The following KIF13B variants were observed in gnomAD, a reference collection of about 807,000 sequenced individuals.
KIF13B encodes kinesin family member 13B.
In KIF13B, 127 loss-of-function variants were observed where a neutral mutation model predicts 222.0. That is an observed-to-expected ratio of 0.57 (90% CI 0.50 to 0.66). The LOEUF is 0.66. Among genes scored for constraint, KIF13B ranks in the 30% least tolerant of loss-of-function variants. The pLI, the probability that KIF13B is intolerant of heterozygous loss-of-function variation, is 0.00. For synonymous variants in KIF13B, 976 were observed against 919.0 expected, an observed-to-expected ratio of 1.06 and a Z score of -1.12; for missense variants, 2,173 against 2,379.0, an observed-to-expected ratio of 0.91 and a Z score of 1.80.
intron 2 of KIF13B, among the ~76,000 whole-genome samples, chr8:29,243,268 A>G (rs1294901787): frequency 2.0e-5 from 3 of 149,826 alleles, no homozygotes; most frequent in African/African-American, 7.4e-5. Context: ...AATTGGTTGA[A>G]CCTGGTGGGG....
At chr8:29,084,666 A>G (rs1374945157) in intron 37 of KIF13B, among the ~76,000 whole-genome samples, 1 of 152,236 alleles carries the variant, frequency 6.6e-6, no homozygotes, top group Non-Finnish European at 1.5e-5. Flanking sequence ...CGCCATTTAC[A>G]GTTCCTAACT....
intron 12 of KIF13B, among the ~76,000 whole-genome samples, chr8:29,163,002 G>C (rs1811847832): frequency 6.6e-6 from 1 of 152,110 alleles, no homozygotes; most frequent in Non-Finnish European, 1.5e-5. Flanking sequence ...ATTTACAAAA[G>C]CAAGTGGCAG....
Position 29,147,277 on chromosome 8 carries a change from T to C in KIF13B, c.2024+115A>G, listed in dbSNP as rs1330873510. 3 of 779,786 alleles carry C rather than the reference T, an allele frequency of 3.8e-6. No homozygotes were observed. In the East Asian group the frequency reaches 8.1e-5, roughly 21 times the overall value. 48.3% of individuals were successfully genotyped at this position (779,786 alleles called of 1,614,324 possible). On this transcript the variant is annotated intron_variant, in intron 17 of 39. Transcript: ENST00000524189. ...TTCTTGGCTGTTAACACTTATCTTTTAACATAATTCTTTTGTAAGCACCAT... is the reference window on the plus strand; with the variant it reads ...TTCTTGGCTGTTAACACTTATCTTTCAACATAATTCTTTTGTAAGCACCAT...
chr8:29,215,083 C>T (rs577181899), intron 2 of KIF13B, among the ~76,000 whole-genome samples: 1 of 152,266 alleles, frequency 6.6e-6, no homozygotes, highest in African/African-American at 2.4e-5. Flanking sequence ...TGGCTCCACG[C>T]TCCCTGCATG....
chr8:29,100,414 G>A (rs1180500560), intron 35 of KIF13B, among the ~76,000 whole-genome samples: 1 of 151,782 alleles, frequency 6.6e-6, no homozygotes, highest in Non-Finnish European at 1.5e-5. Context: ...TAATAATCGT[G>A]TGCAATATGA....
intron 30 of KIF13B, among the ~76,000 whole-genome samples, chr8:29,118,490 A>C (rs574033021): frequency 6.6e-6 from 1 of 152,222 alleles, no homozygotes; most frequent in African/African-American, 2.4e-5. Context: ...GCAAGACTCC[A>C]TCTAAAAACA....
chr8:29,138,293 C>T (rs1810655446), intron 21 of KIF13B, among the ~76,000 whole-genome samples: 1 of 152,024 alleles, frequency 6.6e-6, no homozygotes, highest in Non-Finnish European at 1.5e-5. Flanking sequence ...TGAGATCACA[C>T]CACTGTACTC....
chr8:29,190,329 A>G (rs748530463), intron 4 of KIF13B: 14 of 152,456 alleles, frequency 9.2e-5, no homozygotes, highest in Middle Eastern at 6.8e-3. Flanking sequence ...TCATGCCTAT[A>G]TAAGGAAGCC....
chr8:29,083,482 C>T (rs982445671), intron 37 of KIF13B, among the ~76,000 whole-genome samples: 1 of 152,154 alleles, frequency 6.6e-6, no homozygotes, highest in South Asian at 2.1e-4. Context: ...TCTTTACTGC[C>T]TCAGAAATCC....
intron 2 of KIF13B, among the ~76,000 whole-genome samples, chr8:29,209,554 G>A (rs1407049190): frequency 6.6e-6 from 1 of 152,104 alleles, no homozygotes; most frequent in Non-Finnish European, 1.5e-5. Context: ...TTCATCTCCT[G>A]TAATTTTGTG....
chr8:29,130,687 TG>T lies in KIF13B; in HGVS notation c.2943-23del, dbSNP rs771290818. 12 of 1,612,802 alleles carry T rather than the reference TG, an allele frequency of 7.4e-6. No homozygotes were observed. In the Admixed American group the frequency reaches 1.0e-4, roughly 13 times the overall value. On this transcript the variant is annotated intron_variant, in intron 23 of 39. Transcript: ENST00000524189. ...CCATCTAGGAAATAAGCGAAGTTCT[TG>T]GAAAATCATACATTTCTATTTCATT...
intron 2 of KIF13B, among the ~76,000 whole-genome samples, chr8:29,204,333 A>G (rs1359228526): frequency 6.6e-6 from 1 of 152,138 alleles, no homozygotes; most frequent in East Asian, 1.9e-4. Context: ...TATTAACTCA[A>G]TCACTTGCAA....
intron 24 of KIF13B, among the ~76,000 whole-genome samples, chr8:29,128,060 CA>C (rs1420292301): frequency 1.3e-5 from 2 of 149,370 alleles, no homozygotes; most frequent in Non-Finnish European, 3.0e-5. Flanking sequence ...GTAAATATAT[CA>C]GTAAATATAT....
intron 38 of KIF13B, among the ~76,000 whole-genome samples, chr8:29,075,010 A>T (rs1464251237): frequency 6.6e-6 from 1 of 152,226 alleles, no homozygotes; most frequent in Non-Finnish European, 1.5e-5. Context: ...TGTTTATAGA[A>T]ATCTCCTCTG....
rs747784923 is a variant in KIF13B, at chr8:29,113,500, C to A, written c.3893G>T (p.Cys1298Phe). 6.3e-7 allele frequency: 1 copy of A among 1,593,544 alleles called. No individual in the cohort carries two copies. The highest frequency in any genetic ancestry group is 8.6e-7 in the Non-Finnish European group (1 of 1,168,348). The change falls in exon 32 of 40, where the codon TGT becomes TTT. Residue 1298 changes from cysteine (C) to phenylalanine (F), a missense_variant. By Grantham distance (205) the Cys-to-Phe change is radical (BLOSUM62 -2). This residue lies in a region of KIF13B where 1,480 missense variants were observed against 1,722.8 expected (regional missense o/e 0.86). Transcript: ENST00000524189. Reference protein sequence around the residue: ...KMSHRSSIPGCGVTFEIVSNI... With the variant: ...KMSHRSSIPGFGVTFEIVSNI... Reference sequence around the variant, plus strand: ...GGAGACAATTTCAAAAGTCACTCCACAGCCAGGAATAGAACTTCGATGAGA... The same window carrying A: ...GGAGACAATTTCAAAAGTCACTCCAAAGCCAGGAATAGAACTTCGATGAGA...
chr8:29,261,963 G>C (rs1816695496), intron 1 of KIF13B, among the ~76,000 whole-genome samples: 1 of 152,174 alleles, frequency 6.6e-6, no homozygotes, highest in Non-Finnish European at 1.5e-5. Flanking sequence ...ACTTGATTTT[G>C]CTAAGAAGCT....
intron 25 of KIF13B, among the ~76,000 whole-genome samples, 181 bp downstream of exon 25, chr8:29,126,941 C>T (rs929502358): frequency 1.3e-5 from 2 of 152,066 alleles, no homozygotes; most frequent in Non-Finnish European, 2.9e-5. Context: ...CAGGGCAAAA[C>T]CAGTAATACA....
At chr8:29,254,159 A>T (rs7820740) in intron 1 of KIF13B, among the ~76,000 whole-genome samples, 116 of 152,326 alleles carry the variant, frequency 7.6e-4, no homozygotes, top group African/African-American at 2.7e-3. Flanking sequence ...ATGAAGTTGG[A>T]TCCCTACCTC....
intron 4 of KIF13B, chr8:29,190,168 T>C (rs1009254850): frequency 6.6e-6 from 1 of 152,204 alleles, no homozygotes; most frequent in East Asian, 1.9e-4. Context: ...CATCTGATTG[T>C]GGGTCAAGAG....
Sources: gnomAD v4.1 joint callset for allele counts (sites outside exome capture counted in the v4.1 genomes callset) on GRCh38, gnomAD v4.1.1 for gene constraint, gnomAD v4.1.1 regional missense constraint, MANE v1.5 for transcripts, NCBI Gene and HGNC (gene_info 2026-07-23, HGNC 2026-07-21) for gene names.